NRG1: variants seen among roughly 807,000 people sequenced by gnomAD.
NRG1 encodes the protein pro-neuregulin-1, membrane-bound isoform.
NRG1 carries 18 observed loss-of-function variants against 63.8 expected under a neutral mutation model. The ratio of observed to expected loss-of-function variants is 0.28; its 90% CI spans 0.19 to 0.42. The LOEUF is 0.42. Ranked by LOEUF, NRG1 falls within the 10% of genes least tolerant of loss-of-function variation. The probability of loss-of-function intolerance (pLI) is 1.00; values close to 1 mark genes in which losing one functional copy is unlikely to be tolerated. For synonymous variants in NRG1, 302 were observed against 301.3 expected, an observed-to-expected ratio of 1.00 and a Z score of -0.02; for missense variants, 762 against 814.7, an observed-to-expected ratio of 0.94 and a Z score of 0.79.
At chr8:32,450,664 C>T (rs1439838136) in intron 1 of NRG1, among the ~76,000 whole-genome samples, 3 of 152,138 alleles carry the variant, frequency 2.0e-5, no homozygotes, top group Non-Finnish European at 4.4e-5. Flanking sequence ...GATCCTCCTG[C>T]TTCCACCTTC....
chr8:32,546,580 T>C (rs1231073310), upstream of NRG1, among the ~76,000 whole-genome samples: 3 of 152,208 alleles, frequency 2.0e-5, no homozygotes, highest in African/African-American at 4.8e-5. Flanking sequence ...CATACGTCTC[T>C]GTGGAATATT....
At chr8:32,087,436 C>T (rs923107867) in intron 1 of NRG1, among the ~76,000 whole-genome samples, 2 of 149,088 alleles carry the variant, frequency 1.3e-5, no homozygotes, top group African/African-American at 2.5e-5. Flanking sequence ...TCAATTAAAC[C>T]TCTTTTATTT....
At chr8:32,485,741 G>T (rs534924090) in intron 1 of NRG1, among the ~76,000 whole-genome samples, 2 of 152,284 alleles carry the variant, frequency 1.3e-5, no homozygotes, top group South Asian at 2.1e-4. Flanking sequence ...AGAAGTTGCT[G>T]CTTCTGTGGC....
At chr8:32,516,972 A>G (rs900403002) in intron 1 of NRG1, among the ~76,000 whole-genome samples, 4 of 118,726 alleles carry the variant, frequency 3.4e-5, no homozygotes, top group Admixed American at 8.2e-5. Context: ...TTAGGGAGGG[A>G]AAAAAGATGA....
chr8:32,079,712 A>AT (rs1004450088), intron 1 of NRG1, among the ~76,000 whole-genome samples: 5 of 151,908 alleles, frequency 3.3e-5, no homozygotes, highest in South Asian at 2.1e-4. Flanking sequence ...CATGTACAGA[A>AT]TTTTTTTTTC....
At chr8:31,831,117 T>G (rs941455665) in intron 1 of NRG1, among the ~76,000 whole-genome samples, 2 of 152,076 alleles carry the variant, frequency 1.3e-5, no homozygotes, top group African/African-American at 4.8e-5. Flanking sequence ...CTTTTTTTTT[T>G]TTGAGACAGA....
intron 1 of NRG1, among the ~76,000 whole-genome samples, chr8:32,559,270 C>G (rs1036337115): frequency 3.9e-5 from 2 of 50,948 alleles, no homozygotes; most frequent in African/African-American, 6.0e-5. Flanking sequence ...AAAATCACTA[C>G]TCAGACCTTA....
intron 1 of NRG1, among the ~76,000 whole-genome samples, chr8:31,945,545 T>C (rs1292339764): frequency 6.6e-6 from 1 of 152,206 alleles, no homozygotes; most frequent in Non-Finnish European, 1.5e-5. Context: ...CTTTTTACTG[T>C]GATGTCTTGC....
intron 1 of NRG1, among the ~76,000 whole-genome samples, chr8:31,918,139 C>A (rs1833573701): frequency 6.6e-6 from 1 of 152,122 alleles, no homozygotes; most frequent in Non-Finnish European, 1.5e-5. Context: ...ACAATCATGT[C>A]ATCTGCAAAC....
intron 1 of NRG1, among the ~76,000 whole-genome samples, chr8:32,393,985 C>T (rs1236583945): frequency 6.6e-6 from 1 of 152,174 alleles, no homozygotes; most frequent in African/African-American, 2.4e-5. Context: ...CTCCCATCTG[C>T]TCTGTCCTAA....
intron 1 of NRG1, among the ~76,000 whole-genome samples, chr8:32,275,960 A>G (rs1430591522): frequency 1.3e-5 from 2 of 152,210 alleles, no homozygotes; most frequent in Non-Finnish European, 2.9e-5. Flanking sequence ...GTGATATTTC[A>G]GTGCATGTAT....
intron 1 of NRG1, among the ~76,000 whole-genome samples, chr8:32,482,277 G>A (rs1825388333): frequency 6.6e-6 from 1 of 152,092 alleles, no homozygotes; most frequent in Admixed American, 6.6e-5. Flanking sequence ...TCAAAATGAG[G>A]CATATAACAG....
At chr8:32,739,942 G>A (rs1825931922) in intron 6 of NRG1, among the ~76,000 whole-genome samples, 1 of 152,082 alleles carries the variant, frequency 6.6e-6, no homozygotes, top group Non-Finnish European at 1.5e-5. Flanking sequence ...AAGCAGGATG[G>A]AATGATAATT....
chr8:32,594,603 C>T (rs1843048008), intron 1 of NRG1, among the ~76,000 whole-genome samples: 1 of 152,146 alleles, frequency 6.6e-6, no homozygotes, highest in African/African-American at 2.4e-5. Flanking sequence ...ATCCATTTCC[C>T]ACCACCATAT....
chr8:32,343,076 A>G (rs539827133), intron 1 of NRG1, among the ~76,000 whole-genome samples: 1 of 152,296 alleles, frequency 6.6e-6, no homozygotes, highest in South Asian at 2.1e-4. Context: ...TAAAGAGAAA[A>G]AGTTCAATCA....
chr8:32,744,835 G>A (rs1827131107), intron 7 of NRG1, among the ~76,000 whole-genome samples: 1 of 152,116 alleles, frequency 6.6e-6, no homozygotes, highest in South Asian at 2.1e-4. Context: ...TAGACCATTT[G>A]CTTTTTCAGA....
chr8:32,729,866 T>A (rs981519077), intron 6 of NRG1, among the ~76,000 whole-genome samples: 5 of 152,202 alleles, frequency 3.3e-5, no homozygotes, highest in Non-Finnish European at 5.9e-5. Flanking sequence ...TGGGACCTCA[T>A]GGCTCTGAAC....
At chr8:32,233,030 T>C (rs944417955) in intron 1 of NRG1, among the ~76,000 whole-genome samples, 13 of 152,198 alleles carry the variant, frequency 8.5e-5, no homozygotes, top group African/African-American at 2.9e-4. Context: ...TTTCTATGTA[T>C]GCCATCTTAT....
intron 1 of NRG1, among the ~76,000 whole-genome samples, chr8:31,888,549 TTG>T (rs1830902384): frequency 6.6e-6 from 1 of 152,126 alleles, no homozygotes; most frequent in Admixed American, 6.6e-5. Context: ...GAGTTCAGAA[TTG>T]TCTTCTCTTG....
Sources: gnomAD v4.1 joint callset for allele counts (sites outside exome capture counted in the v4.1 genomes callset) on GRCh38, gnomAD v4.1.1 for gene constraint, MANE v1.5 for transcripts, NCBI Gene and HGNC (gene_info 2026-07-23, HGNC 2026-07-21) for gene names.